Variants in SCAPER observed in about 807,000 individuals in gnomAD.
SCAPER encodes the protein S-phase cyclin A associated protein in the ER, also known as S phase cyclin A-associated protein in the endoplasmic reticulum.
A neutral mutation model predicts 182.2 loss-of-function variants in SCAPER; 98 were observed. The observed-to-expected ratio is 0.54, with a 90% confidence interval of 0.46 to 0.64. The LOEUF (loss-of-function observed/expected upper bound fraction) is 0.64, where lower values mean the gene tolerates loss of function less well. Ranked by LOEUF, SCAPER falls within the 30% of genes least tolerant of loss-of-function variation. SCAPER has a pLI of 0.00. For synonymous variants in SCAPER, 605 were observed against 564.6 expected (o/e 1.07, Z -1.01); for missense variants, 1,432 against 1,690.0 (o/e 0.85, Z 2.68).
At chr15:76,795,502 G>A in intron 7 of SCAPER, 62 bp from the exon 8 acceptor site, 1 of 1,239,178 alleles carries the variant, frequency 8.1e-7, no homozygotes, top group Non-Finnish European at 1.1e-6. Context: ...CTGAATATAT[G>A]CTAAATGTAT....
intron 15 of SCAPER, among the ~76,000 whole-genome samples, chr15:76,745,210 T>A (rs1212823737): frequency 2.0e-5 from 3 of 152,056 alleles, no homozygotes; most frequent in Admixed American, 6.5e-5. Flanking sequence ...GAGTCCGAGG[T>A]GGGTGGATCA....
chr15:76,697,546 T>A (rs2058716121), intron 20 of SCAPER, among the ~76,000 whole-genome samples: 1 of 152,246 alleles, frequency 6.6e-6, no homozygotes, highest in Admixed American at 6.5e-5. Context: ...GAAATTTATA[T>A]TTCAGTTTAC....
chr15:76,707,816 C>T (rs1322224414), intron 17 of SCAPER, among the ~76,000 whole-genome samples: 1 of 151,564 alleles, frequency 6.6e-6, no homozygotes, highest in African/African-American at 2.4e-5. Context: ...TCGAAGAGCA[C>T]AAAGAACATT....
At chr15:76,669,275 T>C (rs2056844866) in intron 20 of SCAPER, among the ~76,000 whole-genome samples, 1 of 152,148 alleles carries the variant, frequency 6.6e-6, no homozygotes, top group Non-Finnish European at 1.5e-5. Context: ...ATTCTCTCAC[T>C]GTAGAATATT....
intron 17 of SCAPER, among the ~76,000 whole-genome samples, chr15:76,707,318 T>A (rs1335713091): frequency 6.6e-6 from 1 of 151,554 alleles, no homozygotes; most frequent in African/African-American, 2.4e-5. Flanking sequence ...GACTAAACAT[T>A]CCAATCAAAA....
intron 1 of SCAPER, among the ~76,000 whole-genome samples, chr15:76,898,908 T>C (rs1476475347): frequency 2.0e-5 from 3 of 152,242 alleles, no homozygotes; most frequent in Non-Finnish European, 2.9e-5. Context: ...GTGGATTTTA[T>C]GGTATGTGAA....
At chr15:76,757,283 C>T (rs1159964738) in intron 14 of SCAPER, among the ~76,000 whole-genome samples, 1 of 152,118 alleles carries the variant, frequency 6.6e-6, no homozygotes. Flanking sequence ...ACTCCATCTC[C>T]CCTCTCTGCT....
chr15:76,797,731 T>C (rs150294976), intron 7 of SCAPER: 3 of 152,340 alleles, frequency 2.0e-5, no homozygotes, highest in African/African-American at 4.8e-5. Context: ...TACTGTTGTA[T>C]AGCTACATAC....
intron 20 of SCAPER, among the ~76,000 whole-genome samples, chr15:76,672,885 T>C (rs1330550734): frequency 6.6e-5 from 10 of 151,940 alleles, no homozygotes; most frequent in Admixed American, 6.6e-4. Context: ...CACTCGAAAA[T>C]ACTGACCTAG....
At chr15:76,496,335 C>T (rs1184773355) in intron 24 of SCAPER, among the ~76,000 whole-genome samples, 1 of 151,762 alleles carries the variant, frequency 6.6e-6, no homozygotes, top group Non-Finnish European at 1.5e-5. Flanking sequence ...TAAGACAATG[C>T]TCTTGGGTTT....
intron 24 of SCAPER, among the ~76,000 whole-genome samples, chr15:76,481,357 G>C (rs2051124954): frequency 6.6e-6 from 1 of 152,178 alleles, no homozygotes; most frequent in African/African-American, 2.4e-5. Flanking sequence ...CTGCGTAAAA[G>C]CTGAATTATG....
intron 10 of SCAPER, among the ~76,000 whole-genome samples, chr15:76,770,513 C>T (rs919885814): frequency 6.6e-6 from 1 of 152,034 alleles, no homozygotes; most frequent in Admixed American, 6.6e-5. Context: ...TCTAAGAATA[C>T]ACTAATATCC....
chr15:76,608,082 G>C (rs964560653), intron 22 of SCAPER, among the ~76,000 whole-genome samples: 2 of 152,222 alleles, frequency 1.3e-5, no homozygotes, highest in African/African-American at 4.8e-5. Context: ...CTTTGCAGGA[G>C]GAGAGGCGCT....
intron 23 of SCAPER, among the ~76,000 whole-genome samples, chr15:76,559,052 G>A (rs940394523): frequency 1.3e-5 from 2 of 150,904 alleles, no homozygotes; most frequent in East Asian, 3.9e-4. Context: ...TTTTTTTTTC[G>A]GAGATGGAGC....
intron 5 of SCAPER, among the ~76,000 whole-genome samples, chr15:76,812,677 C>T (rs756701177): frequency 1.3e-5 from 2 of 151,716 alleles, no homozygotes; most frequent in Non-Finnish European, 2.9e-5. Flanking sequence ...CAATTATATA[C>T]CAATACATAT....
intron 15 of SCAPER, among the ~76,000 whole-genome samples, chr15:76,750,980 A>T (rs1403301424): frequency 6.6e-6 from 1 of 151,714 alleles, no homozygotes; most frequent in Non-Finnish European, 1.5e-5. Flanking sequence ...TATATGTAGA[A>T]AACACTTACA....
rs1887136690 is a variant in SCAPER at position 76,702,757 on chromosome 15, CG to C, written c.2400+92del. The stretch of plus-strand genomic sequence containing the variant: ...AGCTGCCACATCTCGCCTGCCTTAG[CG>C]TGAGTTTTAAAAGACTGCAAGAATA... On this transcript the variant is annotated intron_variant, in intron 19 of 31. Transcript: ENST00000563290. The C allele has an allele frequency of 4.9e-6, 7 of 1,435,378 alleles. No homozygotes were observed. The Admixed American group carries it at 9.6e-5, about 20-fold the overall frequency. The allele number at this position is 1,435,378 out of a possible 1,614,324, so 88.9% of individuals were successfully genotyped here.
chr15:76,712,298 T>A (rs2059629977), intron 17 of SCAPER, among the ~76,000 whole-genome samples: 1 of 152,168 alleles, frequency 6.6e-6, no homozygotes, highest in Admixed American at 6.5e-5. Flanking sequence ...TTGATCTATA[T>A]CTCTGTTGTG....
chr15:76,774,295 A>G (rs965217173), intron 9 of SCAPER: 1 of 292,468 alleles, frequency 3.4e-6, no homozygotes, highest in Non-Finnish European at 6.5e-6. Context: ...GTATTCTTCA[A>G]AACTATTAAT....
Sources: gnomAD v4.1 joint callset for allele counts (sites outside exome capture counted in the v4.1 genomes callset) on GRCh38, gnomAD v4.1.1 for gene constraint, MANE v1.5 for transcripts, NCBI Gene and HGNC (gene_info 2026-07-23, HGNC 2026-07-21) for gene names.